SLC7A6: variants seen among roughly 807,000 people sequenced by gnomAD.
SLC7A6 encodes the protein Y+L amino acid transporter 2.
SLC7A6 carries 29 observed loss-of-function variants against 46.6 expected under a neutral mutation model. That is an observed-to-expected ratio of 0.62 (90% CI 0.46 to 0.85). The LOEUF (loss-of-function observed/expected upper bound fraction) is 0.85. Among genes scored for constraint, SLC7A6 ranks in the 40% least tolerant of loss-of-function variants. SLC7A6 has a pLI of 0.00. For synonymous variants in SLC7A6, 276 were observed against 257.3 expected (o/e 1.07, Z -0.70); for missense variants, 527 against 647.6 (o/e 0.81, Z 2.02).
intron 2 of SLC7A6, among the ~76,000 whole-genome samples, chr16:68,271,995 G>A (rs144972999): frequency 2.0e-5 from 3 of 151,950 alleles, no homozygotes; most frequent in East Asian, 2.0e-4. Flanking sequence ...ATTAGAGACC[G>A]GGTTTCACCA....
intron 8 of SLC7A6, 135 bp from the exon 9 acceptor site, chr16:68,296,229 C>A: frequency 1.1e-6 from 1 of 918,066 alleles, no homozygotes; most frequent in Non-Finnish European, 1.7e-6. Flanking sequence ...TATCTGATGC[C>A]AAGGGGTCAA....
chr16:68,291,768 T>G (rs1020748492), intron 7 of SLC7A6, 107 bp downstream of exon 7: 1 of 592,510 alleles, frequency 1.7e-6, no homozygotes. Context: ...ATAGGGTGTG[T>G]GTGTGTGTGT....
intron 4 of SLC7A6, chr16:68,290,026 G>T (rs1006959143): frequency 5.3e-6 from 1 of 187,336 alleles, no homozygotes; most frequent in Non-Finnish European, 1.1e-5. Flanking sequence ...GAGATCATTT[G>T]CAGGAAATGG....
chr16:68,297,207 C>A (rs1370496743), intron 10 of SLC7A6, 27 bp from the exon 11 acceptor site: 4 of 1,607,734 alleles, frequency 2.5e-6, no homozygotes, highest in East Asian at 2.2e-5. Context: ...GTTTACTAAA[C>A]CCTGTGCTTG....
chr16:68,290,333 TCTTC>T, intron 4 of SLC7A6, 59 bp from the exon 5 acceptor site: 1 of 1,575,898 alleles, frequency 6.3e-7, no homozygotes, highest in African/African-American at 1.4e-5. Flanking sequence ...TCCCATCTCC[TCTTC>T]CTTTCTCCTT....
At position 68,294,798 on chromosome 16, in the gene SLC7A6, C is replaced by A; in HGVS notation, c.1116C>A (p.Phe372Leu). 6.2e-7 allele frequency: 1 copy of A among 1,610,602 alleles called. No individual in the cohort carries two copies. Among genetic ancestry groups the A allele is most frequent in the South Asian group, 1.1e-5 (1 of 90,994 alleles). Residue 372 changes from phenylalanine (F) to leucine (L), a missense_variant, in exon 8 of 11, where the codon TTC becomes TTA. Transcript: ENST00000219343. ...ERFTPIPALL[F>L]NCTMALIYLI... is the part of the protein sequence containing the mutation. The stretch of plus-strand genomic sequence containing the variant: ...TTACACCTATCCCTGCTTTACTGTT[C>A]AATGTAAGCTTTGCTGGGACCACGG...
At chr16:68,287,538 A>G (rs2042962076) in intron 3 of SLC7A6, 1 of 1,433,326 alleles carries the variant, frequency 7.0e-7, no homozygotes, top group Non-Finnish European at 9.2e-7. Context: ...CATATCCTTG[A>G]GCACCAGTAG....
At chr16:68,289,174 T>C (rs1490006106) in intron 4 of SLC7A6, among the ~76,000 whole-genome samples, 1 of 151,626 alleles carries the variant, frequency 6.6e-6, no homozygotes, top group African/African-American at 2.4e-5. Context: ...GTGCCTCTAA[T>C]CCCAGCTACT....
intron 2 of SLC7A6, among the ~76,000 whole-genome samples, chr16:68,270,848 C>T (rs1017798568): frequency 7.0e-6 from 1 of 142,160 alleles, no homozygotes; most frequent in African/African-American, 2.6e-5. Flanking sequence ...GAGGACTTTC[C>T]ATTTTATATT....
At chr16:68,280,798 G>A (rs1410538979) in intron 3 of SLC7A6, among the ~76,000 whole-genome samples, 6 of 151,474 alleles carry the variant, frequency 4.0e-5, no homozygotes, top group Admixed American at 1.3e-4. Context: ...GCAGTGGCGC[G>A]ATCTCGGCTC....
In SLC7A6 at chr16:68,274,783, C is replaced by T. The variant is rs772524418; in HGVS notation, c.57C>T (p.Thr19=). 76 of 1,614,100 alleles carry T rather than the reference C, an allele frequency of 4.7e-5. No homozygotes were observed. The South Asian group carries it at 8.3e-4, about 18-fold the overall frequency. ...CCACCTACCATCTTGTCCCTAACACCAGCCAGTCCCAGGTGGAAGAAGATG... is the reference window on the plus strand; with the variant it reads ...CCACCTACCATCTTGTCCCTAACACTAGCCAGTCCCAGGTGGAAGAAGATG... ...PTPTYHLVPN[T]SQSQVEEDVS... Residue 19 remains threonine, a synonymous_variant, in exon 3 of 11, where the codon ACC becomes ACT. Coordinates refer to ENST00000219343, the MANE Select transcript of SLC7A6 (RefSeq NM_003983.6).
intron 3 of SLC7A6, 72 bp downstream of exon 3, chr16:68,275,321 C>G (rs967802620): frequency 3.9e-6 from 6 of 1,539,490 alleles, no homozygotes; most frequent in African/African-American, 1.4e-5. Flanking sequence ...TTAGGCCGGG[C>G]GCGGTGGCTC....
At chr16:68,280,495 C>T (rs539824760) in intron 3 of SLC7A6, among the ~76,000 whole-genome samples, 1 of 152,260 alleles carries the variant, frequency 6.6e-6, no homozygotes, top group East Asian at 1.9e-4. Context: ...CAGGACTTGC[C>T]TTTTCTCTTG....
At chr16:68,296,237 C>T in intron 8 of SLC7A6, 127 bp from the exon 9 acceptor site, 2 of 1,001,172 alleles carry the variant, frequency 2.0e-6, no homozygotes, top group Non-Finnish European at 3.0e-6. Context: ...GCCAAGGGGT[C>T]AATGAAAAGA....
chr16:68,290,601 G>A (rs997283796), intron 5 of SLC7A6, 61 bp downstream of exon 5: 84 of 1,590,810 alleles, frequency 5.3e-5, no homozygotes, highest in South Asian at 8.8e-5. Context: ...GATAGTGGGC[G>A]TGCCTGCCCT....
At chr16:68,294,572 G>C in intron 7 of SLC7A6, 133 bp from the exon 8 acceptor site, 1 of 697,856 alleles carries the variant, frequency 1.4e-6, no homozygotes, top group African/African-American at 1.8e-5. Context: ...ATGCACTAAG[G>C]ACCTGGGATG....
chr16:68,277,519 G>T (rs1311038864), intron 3 of SLC7A6, among the ~76,000 whole-genome samples: 3 of 151,888 alleles, frequency 2.0e-5, no homozygotes, highest in Non-Finnish European at 4.4e-5. Context: ...CACCGTGTTA[G>T]CCAGGATGGT....
chr16:68,272,651 G>A (rs1378364872), intron 2 of SLC7A6, among the ~76,000 whole-genome samples: 4 of 152,172 alleles, frequency 2.6e-5, no homozygotes, highest in African/African-American at 9.7e-5. Flanking sequence ...TTTCGCCAGT[G>A]TATTTGACAA....
At chr16:68,292,611 C>T (rs1168090254) in intron 7 of SLC7A6, 1 of 152,234 alleles carries the variant, frequency 6.6e-6, no homozygotes, top group Non-Finnish European at 1.5e-5. Flanking sequence ...GATCCTCCCA[C>T]CTTAGCCTCC....
Sources: gnomAD v4.1 joint callset for allele counts (sites outside exome capture counted in the v4.1 genomes callset) on GRCh38, gnomAD v4.1.1 for gene constraint, MANE v1.5 for transcripts, NCBI Gene and HGNC (gene_info 2026-07-23, HGNC 2026-07-21) for gene names.